Variants in RBFOX3 observed in about 807,000 individuals in gnomAD.
RBFOX3 encodes RNA binding protein fox-1 homolog 3.
RBFOX3 carries 17 observed loss-of-function variants against 48.7 expected under a neutral mutation model. The observed-to-expected ratio is 0.35, with a 90% confidence interval of 0.24 to 0.52. RBFOX3 has a LOEUF of 0.52. Ranked by LOEUF, RBFOX3 falls within the 20% of genes least tolerant of loss-of-function variation. The pLI is 0.94. For missense variants in RBFOX3, 382 were observed against 497.5 expected (o/e 0.77, Z 2.21); for synonymous variants, 212 against 209.5 (o/e 1.01, Z -0.10).
intron 2 of RBFOX3, among the ~76,000 whole-genome samples, chr17:79,388,047 T>G (rs1203769873): frequency 7.3e-6 from 1 of 137,254 alleles, no homozygotes; most frequent in East Asian, 2.3e-4. Flanking sequence ...TGTGTGCATG[T>G]ACATGTGTGC....
chr17:79,564,752 T>C (rs939117365), intron 1 of RBFOX3, among the ~76,000 whole-genome samples: 3 of 152,060 alleles, frequency 2.0e-5, no homozygotes, highest in Non-Finnish European at 4.4e-5. Context: ...CTGAAGTGTG[T>C]GGTTGTGGTA....
chr17:79,370,062 C>T (rs1037374594), intron 2 of RBFOX3, among the ~76,000 whole-genome samples: 8 of 152,224 alleles, frequency 5.3e-5, no homozygotes, highest in South Asian at 2.1e-4. Context: ...CCTGGGGCCT[C>T]GCTGGCTTCC....
intron 4 of RBFOX3, among the ~76,000 whole-genome samples, chr17:79,215,366 A>G (rs1004579493): frequency 1.3e-5 from 2 of 152,134 alleles, no homozygotes; most frequent in African/African-American, 4.8e-5. Flanking sequence ...GTGGTAGGAG[A>G]CGCCTCTGGA....
At chr17:79,475,875 A>G (rs2077665195) in intron 2 of RBFOX3, among the ~76,000 whole-genome samples, 1 of 152,208 alleles carries the variant, frequency 6.6e-6, no homozygotes, top group South Asian at 2.1e-4. Flanking sequence ...TTTCTCCCTG[A>G]GAAGCAACCC....
chr17:79,528,639 G>A (rs2087186141), intron 1 of RBFOX3, among the ~76,000 whole-genome samples: 1 of 151,960 alleles, frequency 6.6e-6, no homozygotes, highest in South Asian at 2.1e-4. Context: ...TATAACTGGT[G>A]TTGTCCCAAG....
intron 3 of RBFOX3, among the ~76,000 whole-genome samples, chr17:79,280,239 A>G (rs1264319673): frequency 1.3e-4 from 1 of 7,612 alleles, no homozygotes; most frequent in Non-Finnish European, 2.3e-4. Flanking sequence ...GCACACATGC[A>G]CACACACACA....
intron 4 of RBFOX3, among the ~76,000 whole-genome samples, chr17:79,134,201 GA>G (rs1424166014): frequency 6.6e-6 from 1 of 152,230 alleles, no homozygotes; most frequent in Admixed American, 6.5e-5. Flanking sequence ...TGAGCTCCAA[GA>G]AGGCGGCTTC....
At chr17:79,122,445 T>C (rs2036004687) in intron 4 of RBFOX3, among the ~76,000 whole-genome samples, 1 of 152,148 alleles carries the variant, frequency 6.6e-6, no homozygotes, top group African/African-American at 2.4e-5. Context: ...CACACAGGTG[T>C]ATAAAAAGGT....
rs2093957410 is a variant in RBFOX3, at chr17:79,610,972, G to T, written c.-466C>A. On this transcript the variant is annotated 5_prime_UTR_variant, in exon 1 of 15. Coordinates refer to ENST00000693108, the MANE Select transcript of RBFOX3 (RefSeq NM_001350451.2). The stretch of plus-strand genomic sequence containing the variant: ...GGGCGCGCGAGGCCGGGCTCGGGCG[G>T]CAGCTGTGGCAGCTGCTTCTCCTCC... 6.6e-6 allele frequency among the ~76,000 whole-genome samples: 1 copy of T among 151,138 alleles called. No individual in the cohort carries two copies. The highest frequency in any genetic ancestry group is 1.5e-5 in the Non-Finnish European group (1 of 67,600).
chr17:79,130,990 G>A (rs2038715403), intron 4 of RBFOX3, among the ~76,000 whole-genome samples: 1 of 152,020 alleles, frequency 6.6e-6, no homozygotes. Flanking sequence ...TGCCCCATGT[G>A]TACTGTGTGC....
At chr17:79,523,898 C>T (rs1324245220) in intron 1 of RBFOX3, among the ~76,000 whole-genome samples, 2 of 152,178 alleles carry the variant, frequency 1.3e-5, no homozygotes, top group African/African-American at 2.4e-5. Context: ...CTCTCCACAC[C>T]GTGTATCTCA....
At chr17:79,116,491 G>T (rs2147029220) in intron 4 of RBFOX3, among the ~76,000 whole-genome samples, 1 of 152,352 alleles carries the variant, frequency 6.6e-6, no homozygotes, top group East Asian at 1.9e-4. Flanking sequence ...CTCCAGCCTG[G>T]GTGATGAGAG....
At chr17:79,656,765 G>GA in the RBFOX3 span, among the ~76,000 whole-genome samples, 1 of 63,078 alleles carries the variant, frequency 1.6e-5, no homozygotes, top group Non-Finnish European at 3.3e-5. Context: ...AAGGAAGGAA[G>GA]GAAGGAAGGA....
intron 1 of RBFOX3, among the ~76,000 whole-genome samples, chr17:79,537,771 TGAG>T (rs1192731919): frequency 6.6e-6 from 1 of 151,952 alleles, no homozygotes; most frequent in Non-Finnish European, 1.5e-5. Context: ...CACCTCAAAT[TGAG>T]GAGGTGAGTC....
intron 3 of RBFOX3, among the ~76,000 whole-genome samples, chr17:79,295,503 G>T (rs1318278470): frequency 6.6e-6 from 1 of 152,210 alleles, no homozygotes; most frequent in Non-Finnish European, 1.5e-5. Flanking sequence ...TTCCAGCTCA[G>T]GGAAGGGCAG....
In RBFOX3 at chr17:79,101,589, G is replaced by A; in HGVS notation, c.563C>T (p.Thr188Ile). ...GGGGGGACCCAGCCCCTTACCGTTG[G>A]TGTAGGGGTTCCCCGTCTTCTTGTT... is the stretch of plus-strand genomic sequence containing the variant. ...MTNKKTGNPY[T>I]NGWKLNPVVG... Residue 188 changes from threonine (T) to isoleucine (I), a missense_variant, in exon 9 of 15, where the codon ACC becomes ATC. Physicochemically the swap from Thr to Ile is moderately conservative, Grantham distance 89. Transcript: ENST00000693108. 1.9e-6 allele frequency: 3 copies of A among 1,551,120 alleles called. No individual in the cohort carries two copies. Among genetic ancestry groups the A allele is most frequent in the Non-Finnish European group, 2.6e-6 (3 of 1,146,826 alleles).
intron 2 of RBFOX3, among the ~76,000 whole-genome samples, chr17:79,348,556 A>T (rs78885237): frequency 7.0e-4 from 81 of 116,148 alleles, no homozygotes; most frequent in Middle Eastern, 6.2e-3. Context: ...AACAAACCCA[A>T]TTTCTTTTCT....
At chr17:79,334,380 T>C (rs988911613) in intron 2 of RBFOX3, among the ~76,000 whole-genome samples, 2 of 152,192 alleles carry the variant, frequency 1.3e-5, no homozygotes, top group Non-Finnish European at 2.9e-5. Flanking sequence ...TCATGCTCCG[T>C]AGGTTACAGG....
At position 79,406,801 on chromosome 17, in the gene RBFOX3, T is replaced by A. The variant is rs111410805; in HGVS notation, c.-175+75653A>T. The stretch of plus-strand genomic sequence containing the variant: ...CCCGCCATGGGAAAGGGTGACTCCC[T>A]ACAATGCTGGATGCTTACTGAGCAG... On this transcript the variant is annotated intron_variant, in intron 2 of 14. Coordinates refer to ENST00000693108, the MANE Select transcript of RBFOX3 (RefSeq NM_001350451.2). Among the ~76,000 whole-genome samples the A allele has an allele frequency of 6.1e-3, 927 of 152,262 alleles. 13 individuals are homozygous for A. The highest frequency in any genetic ancestry group is 0.021 in the African/African-American group (884 of 41,550).
Sources: gnomAD v4.1 joint callset for allele counts (sites outside exome capture counted in the v4.1 genomes callset) on GRCh38, gnomAD v4.1.1 for gene constraint, MANE v1.5 for transcripts, NCBI Gene and HGNC (gene_info 2026-07-23, HGNC 2026-07-21) for gene names.